EYS: variants seen among roughly 807,000 people sequenced by gnomAD.
EYS encodes EGF-like photoreceptor maintenance factor, also known as protein eyes shut homolog.
Under a neutral mutation model 282.1 loss-of-function variants are expected in EYS, and 250 were observed. The observed-to-expected ratio is 0.89, with a 90% CI of 0.80 to 0.98. EYS has a LOEUF of 0.98. EYS is among the 50% of genes least tolerant of loss of function. The probability of loss-of-function intolerance (pLI) is 0.00; values close to 1 mark genes in which losing one functional copy is unlikely to be tolerated. For missense variants in EYS, 4,016 were observed against 3,709.0 expected (o/e 1.08, Z -2.15); for synonymous variants, 1,355 against 1,282.9 (o/e 1.06, Z -1.20).
At chr6:64,332,080 C>A (rs978778894) in intron 29 of EYS, among the ~76,000 whole-genome samples, 4 of 152,202 alleles carry the variant, frequency 2.6e-5, no homozygotes, top group African/African-American at 9.6e-5. Flanking sequence ...TACAGCTTAT[C>A]ACCTACAGGG....
intron 26 of EYS, among the ~76,000 whole-genome samples, chr6:64,507,817 A>C: frequency 6.6e-6 from 1 of 152,210 alleles, no homozygotes; most frequent in East Asian, 1.9e-4. Flanking sequence ...CATGACAATA[A>C]GCTCTCTTTG....
At chr6:64,404,117 T>C (rs1457790334) in intron 28 of EYS, among the ~76,000 whole-genome samples, 1 of 152,156 alleles carries the variant, frequency 6.6e-6, no homozygotes, top group Non-Finnish European at 1.5e-5. Context: ...ATAATTAAGT[T>C]TGATAAAGCT....
intron 1 of EYS, among the ~76,000 whole-genome samples, chr6:65,702,607 G>A (rs1769717814): frequency 2.0e-5 from 3 of 152,260 alleles, no homozygotes; most frequent in South Asian, 2.1e-4. Flanking sequence ...CAGGAGAATC[G>A]CTTGACCCTG....
intron 37 of EYS, among the ~76,000 whole-genome samples, chr6:63,804,786 A>G (rs1770862155): frequency 6.6e-6 from 1 of 152,240 alleles, no homozygotes. Flanking sequence ...ACATGATCTA[A>G]TAAACCTTTT....
chr6:63,955,733 A>G (rs549213787), intron 35 of EYS, among the ~76,000 whole-genome samples: 4 of 152,324 alleles, frequency 2.6e-5, no homozygotes, highest in Non-Finnish European at 5.9e-5. Flanking sequence ...AAAAAACTCA[A>G]GGATACAGCC....
rs142877031 is a variant in EYS at position 65,697,744 on chromosome 6, A to G, written c.-448+9391T>C. ...GTTTTAAAATTAGACGATGGAACCA[A>G]TAACGAGCATATGTTAATGAAGACA... is the stretch of plus-strand genomic sequence containing the variant. On this transcript the variant is annotated intron_variant, in intron 1 of 42. Transcript: ENST00000503581. 7.5e-3 allele frequency among the ~76,000 whole-genome samples: 1,138 copies of G among 152,270 alleles called. 15 individuals carry two copies. The highest frequency in any genetic ancestry group is 0.026 in the African/African-American group (1,069 of 41,566).
At chr6:65,569,834 A>T (rs1007488270) in intron 2 of EYS, among the ~76,000 whole-genome samples, 2 of 152,138 alleles carry the variant, frequency 1.3e-5, no homozygotes, top group African/African-American at 2.4e-5. Flanking sequence ...GGGTGAGACT[A>T]ATTTGAGTAA....
chr6:65,198,267 C>T (rs1765817771), intron 12 of EYS, among the ~76,000 whole-genome samples: 1 of 152,088 alleles, frequency 6.6e-6, no homozygotes, highest in African/African-American at 2.4e-5. Context: ...TTATCATCTC[C>T]TTGATAGCAA....
chr6:64,671,740 C>T (rs73440806), intron 22 of EYS, among the ~76,000 whole-genome samples: 1 of 151,666 alleles, frequency 6.6e-6, no homozygotes, highest in African/African-American at 2.4e-5. Flanking sequence ...TAAAAAAAAA[C>T]CAAACATAGT....
chr6:64,213,358 C>T (rs1341345266), intron 31 of EYS, among the ~76,000 whole-genome samples: 3 of 152,094 alleles, frequency 2.0e-5, no homozygotes, highest in African/African-American at 4.8e-5. Context: ...AAAGTCTCTG[C>T]TTTAGTGATA....
intron 1 of EYS, among the ~76,000 whole-genome samples, chr6:65,690,836 G>C (rs1004177784): frequency 6.7e-6 from 1 of 149,690 alleles, no homozygotes; most frequent in Non-Finnish European, 1.5e-5. Flanking sequence ...TGTGGTGTTC[G>C]GTTTTCTGTT....
chr6:64,701,658 A>C (rs1770795524), intron 22 of EYS, among the ~76,000 whole-genome samples: 1 of 152,056 alleles, frequency 6.6e-6, no homozygotes, highest in Admixed American at 6.6e-5. Context: ...GTACATATGG[A>C]CATAAAGTGT....
chr6:64,411,357 T>G (rs1368536237), intron 28 of EYS, among the ~76,000 whole-genome samples: 1 of 151,950 alleles, frequency 6.6e-6, no homozygotes, highest in Admixed American at 6.6e-5. Context: ...GGTTAAAGTC[T>G]CTCAAATTTG....
chr6:65,037,136 T>C (rs1772795331), intron 13 of EYS, among the ~76,000 whole-genome samples: 1 of 151,806 alleles, frequency 6.6e-6, no homozygotes. Context: ...GACATAAAAT[T>C]GAATGAGATC....
chr6:63,850,363 G>A (rs769817982), intron 36 of EYS, among the ~76,000 whole-genome samples: 1 of 152,042 alleles, frequency 6.6e-6, no homozygotes, highest in South Asian at 2.1e-4. Flanking sequence ...GCAACACCAA[G>A]ACATATAATC....
At chr6:64,034,090 A>C (rs1769997449) in intron 33 of EYS, among the ~76,000 whole-genome samples, 1 of 152,194 alleles carries the variant, frequency 6.6e-6, no homozygotes, top group Non-Finnish European at 1.5e-5. Context: ...GTATTGGGTA[A>C]TGGTCTGCAA....
chr6:64,313,214 G>T (rs1769795903), intron 29 of EYS, among the ~76,000 whole-genome samples: 1 of 152,170 alleles, frequency 6.6e-6, no homozygotes, highest in African/African-American at 2.4e-5. Flanking sequence ...GAAAAACACA[G>T]CAAGAAAACT....
intron 29 of EYS, among the ~76,000 whole-genome samples, chr6:64,344,368 T>C (rs9444750): frequency 0.68 from 102,742 of 151,378 alleles, 34,884 homozygotes; most frequent in South Asian, 0.71. Flanking sequence ...CATGATCAAG[T>C]GGGCTTCATC....
chr6:63,806,448 A>T (rs899640885), intron 36 of EYS, 76 bp from the exon 37 acceptor site: 65 of 1,270,020 alleles, frequency 5.1e-5, no homozygotes, highest in Non-Finnish European at 6.8e-5. Context: ...CGTTTTGCTG[A>T]TGCATCTGGC....
Sources: gnomAD v4.1 joint callset for allele counts (sites outside exome capture counted in the v4.1 genomes callset) on GRCh38, gnomAD v4.1.1 for gene constraint, MANE v1.5 for transcripts, NCBI Gene and HGNC (gene_info 2026-07-23, HGNC 2026-07-21) for gene names.